PDE6D: variants seen among roughly 807,000 people sequenced by gnomAD.
PDE6D encodes retinal rod rhodopsin-sensitive cGMP 3',5'-cyclic phosphodiesterase subunit delta.
Under a neutral mutation model 21.9 loss-of-function variants are expected in PDE6D, and 10 were observed. That is an observed-to-expected ratio of 0.46 (90% CI 0.28 to 0.78). The LOEUF (loss-of-function observed/expected upper bound fraction) is 0.78, where lower values mean the gene tolerates loss of function less well. PDE6D is among the 30% of genes least tolerant of loss of function. The probability of loss-of-function intolerance (pLI) is 0.12; values close to 1 mark genes in which losing one functional copy is unlikely to be tolerated. For synonymous variants in PDE6D, 59 were observed against 63.5 expected (o/e 0.93, Z 0.34); for missense variants, 139 against 184.8 (o/e 0.75, Z 1.44).
At chr2:231,748,374 G>A (rs2048811069) in intron 1 of PDE6D, among the ~76,000 whole-genome samples, 1 of 152,122 alleles carries the variant, frequency 6.6e-6, no homozygotes, top group Non-Finnish European at 1.5e-5. Flanking sequence ...AGAGTTTTCT[G>A]GAACTTTGAA....
intron 1 of PDE6D, among the ~76,000 whole-genome samples, chr2:231,754,742 G>T (rs1473468343): frequency 6.6e-6 from 1 of 151,404 alleles, no homozygotes; most frequent in East Asian, 1.9e-4. Flanking sequence ...TCCAAAGAAT[G>T]GCAGTTTCTC....
chr2:231,757,517 C>T (rs2048892351), intron 1 of PDE6D, among the ~76,000 whole-genome samples: 1 of 152,158 alleles, frequency 6.6e-6, no homozygotes, highest in Admixed American at 6.5e-5. Context: ...AGGCTAGTCT[C>T]CTGACCTCAG....
intron 1 of PDE6D, among the ~76,000 whole-genome samples, chr2:231,740,443 G>A (rs2106262907): frequency 6.6e-6 from 1 of 152,222 alleles, no homozygotes; most frequent in South Asian, 2.1e-4. Flanking sequence ...AGCACTTTGG[G>A]AGGCTGAGGT....
chr2:231,769,089 G>A (rs1001081943), intron 1 of PDE6D, among the ~76,000 whole-genome samples: 8 of 151,542 alleles, frequency 5.3e-5, no homozygotes, highest in Non-Finnish European at 4.4e-5. Context: ...GGCTGGTCTC[G>A]AACTCCTGAC....
At chr2:231,754,035 A>G (rs2048863846) in intron 1 of PDE6D, among the ~76,000 whole-genome samples, 1 of 152,186 alleles carries the variant, frequency 6.6e-6, no homozygotes, top group East Asian at 1.9e-4. Flanking sequence ...AGCAACATCA[A>G]AAGAGTTGAG....
chr2:231,749,993 T>C (rs1254589820), intron 1 of PDE6D, among the ~76,000 whole-genome samples: 1 of 152,100 alleles, frequency 6.6e-6, no homozygotes, highest in Non-Finnish European at 1.5e-5. Flanking sequence ...CCCACCAAAA[T>C]CTCAACTTGA....
At chr2:231,760,763 C>T (rs757595946) in intron 1 of PDE6D, among the ~76,000 whole-genome samples, 3 of 152,188 alleles carry the variant, frequency 2.0e-5, no homozygotes, top group Non-Finnish European at 2.9e-5. Context: ...GTGTATTCCA[C>T]AGGTCAAAAC....
chr2:231,773,661 T>C (rs2049031578), intron 1 of PDE6D, among the ~76,000 whole-genome samples: 1 of 152,136 alleles, frequency 6.6e-6, no homozygotes, highest in African/African-American at 2.4e-5. Context: ...AGGACCAAAC[T>C]ATGGGAGAAG....
chr2:231,774,165 T>A (rs2049036671), intron 1 of PDE6D, among the ~76,000 whole-genome samples: 1 of 152,038 alleles, frequency 6.6e-6, no homozygotes, highest in East Asian at 1.9e-4. Flanking sequence ...ATGCCCAAAC[T>A]CAGGTGATCC....
At chr2:231,742,274 A>G (rs2048755683) in intron 1 of PDE6D, among the ~76,000 whole-genome samples, 1 of 152,120 alleles carries the variant, frequency 6.6e-6, no homozygotes, top group Non-Finnish European at 1.5e-5. Flanking sequence ...GGCATGCACC[A>G]CCATGCCCGG....
At chr2:231,741,113 C>CAAAAA (rs56947117) in intron 1 of PDE6D, among the ~76,000 whole-genome samples, 8 of 54,876 alleles carry the variant, frequency 1.5e-4, no homozygotes, top group African/African-American at 5.2e-4. Flanking sequence ...AACCCTGTCT[C>CAAAAA]AAAAAAAAAA....
At chr2:231,751,187 T>G (rs1370288771) in intron 1 of PDE6D, among the ~76,000 whole-genome samples, 1 of 152,098 alleles carries the variant, frequency 6.6e-6, no homozygotes, top group Admixed American at 6.6e-5. Context: ...GACAGGGTCT[T>G]GCTTCATTGC....
At chr2:231,779,195 A>C (rs1463959189) in intron 1 of PDE6D, 1 of 152,212 alleles carries the variant, frequency 6.6e-6, no homozygotes. Flanking sequence ...GGATTTAATC[A>C]GCTCAGGTCA....
chr2:231,777,201 G>A (rs1041563686), intron 1 of PDE6D, among the ~76,000 whole-genome samples: 4 of 152,226 alleles, frequency 2.6e-5, no homozygotes, highest in African/African-American at 9.6e-5. Context: ...GTGAGATGGG[G>A]TGAAGGTGAT....
rs533326200 is a variant in PDE6D at position 231,759,479 on chromosome 2, T to A, written c.51-20291A>T. On this transcript the variant is annotated intron_variant, in intron 1 of 4. Transcript: ENST00000287600. ...GTGTACAAAGGAAGGCAAGCAAGCA[T>A]GGGGGAGAAGAGGAGCAGGCAGTGA... is the stretch of plus-strand genomic sequence containing the variant. 2.0e-3 allele frequency among the ~76,000 whole-genome samples: 304 copies of A among 151,998 alleles called. 3 individuals are homozygous for A. The highest frequency in any genetic ancestry group is 7.1e-3 in the African/African-American group (294 of 41,438).
chr2:231,759,809 T>C (rs1260108389), intron 1 of PDE6D, among the ~76,000 whole-genome samples: 45 of 152,124 alleles, frequency 3.0e-4, no homozygotes, highest in Non-Finnish European at 1.5e-5. Flanking sequence ...GCAGTAAGAA[T>C]GGCAAGAAAC....
At chr2:231,734,687 A>T (rs838420) in intron 4 of PDE6D, among the ~76,000 whole-genome samples, 12,775 of 145,546 alleles carry the variant, frequency 0.088, 615 homozygotes, top group African/African-American at 0.13. Flanking sequence ...TAAAAATATA[A>T]AAAAAAAAAA....
intron 1 of PDE6D, among the ~76,000 whole-genome samples, chr2:231,745,874 G>A (rs1267977423): frequency 6.6e-6 from 1 of 152,080 alleles, no homozygotes; most frequent in Admixed American, 6.6e-5. Flanking sequence ...AGGTATAGAA[G>A]GCAGTGAAGG....
At chr2:231,737,324 G>T (rs1214831529) in intron 3 of PDE6D, 32 bp from the exon 4 acceptor site, 1 of 1,204,464 alleles carries the variant, frequency 8.3e-7, no homozygotes, top group South Asian at 1.2e-5. Flanking sequence ...GGGGTGAGCA[G>T]GTGCCCCAGT....
Sources: allele counts gnomAD v4.1 joint callset (sites outside exome capture counted in the v4.1 genomes callset), GRCh38; gene constraint gnomAD v4.1.1; transcripts MANE v1.5; gene names NCBI Gene and HGNC (gene_info 2026-07-23, HGNC 2026-07-21).